Variants in GOLGA2 observed in about 807,000 individuals in gnomAD.
GOLGA2 encodes the protein golgin subfamily A member 2.
GOLGA2 carries 49 observed loss-of-function variants against 148.8 expected under a neutral mutation model. The observed-to-expected ratio is 0.33, with a 90% CI of 0.26 to 0.42. The LOEUF is 0.42. Ranked by LOEUF, GOLGA2 falls within the 10% of genes least tolerant of loss-of-function variation. The pLI is 1.00. For missense variants in GOLGA2, 1,178 were observed against 1,304.6 expected (o/e 0.90, Z 1.49); for synonymous variants, 501 against 511.8 (o/e 0.98, Z 0.28).
At position 128,261,766 on chromosome 9, in the gene GOLGA2, T is replaced by C. The variant is rs1357359553; in HGVS notation, c.1135-9A>G. The stretch of plus-strand genomic sequence containing the variant: ...TCACACCGGCTTGAAAACTGGATGG[T>C]GAAGAGCGAGAAGTTTAGATCTGGG... On this transcript the variant is annotated splice_polypyrimidine_tract_variant and intron_variant, in intron 14 of 26. Transcript: ENST00000611957. This position sits in a 1 kb window ranked among gnomAD's most constrained non-coding sequence, Gnocchi z 5.7. The C allele has an allele frequency of 1.3e-6, 2 of 1,597,428 alleles. No homozygotes were observed. The highest frequency in any genetic ancestry group is 1.7e-6 in the Non-Finnish European group (2 of 1,164,782).
At position 128,272,825 on chromosome 9, in the gene GOLGA2, C is replaced by T. The variant is rs778693760; in HGVS notation, c.248G>A (p.Arg83His). ...ILKVLVSDLN[R>H]SNGVALPPLD... ...TGGGGGGAGCGCTACCCCATTGGAACGGTTAAGGTCGGACACCAGCACCTT... is the reference window on the plus strand; with the variant it reads ...TGGGGGGAGCGCTACCCCATTGGAATGGTTAAGGTCGGACACCAGCACCTT... The change falls in exon 3 of 27, where the codon CGT becomes CAT. Residue 83 changes from arginine (R) to histidine (H), a missense_variant. Physicochemically the swap from Arg to His is conservative, Grantham distance 29 (BLOSUM62 0). This residue lies in a region of GOLGA2 where 158 missense variants were observed against 156.6 expected (regional missense o/e 1.01). Transcript: ENST00000611957. The T allele has an allele frequency of 2.3e-5, 29 of 1,281,594 alleles. No individual in the cohort carries two copies. Among genetic ancestry groups the T allele is most frequent in the Middle Eastern group, 6.3e-4 (2 of 3,194 alleles). The allele number at this position is 1,281,594 out of a possible 1,614,324, so 79.4% of individuals were successfully genotyped here.
rs1830694976 is a variant in GOLGA2, at chr9:128,267,937, A to C, written c.498T>G (p.Cys166Trp). The C allele has an allele frequency of 6.2e-7, 1 of 1,611,172 alleles. No homozygotes were observed. The change falls in exon 6 of 27, where the codon TGT (cysteine) becomes TGG (tryptophan). Residue 166 changes from cysteine to tryptophan, a missense_variant. By Grantham distance (215) the Cys-to-Trp change is radical (BLOSUM62 -2). Around this residue, in one of 5 missense-constraint regions of GOLGA2, gnomAD observed 304 missense variants for 404.1 expected, o/e 0.75. Transcript: ENST00000611957. ...TCGGCCTCAGTTCCTGAGGTACCTC[A>C]CAAACAAGACCATTGAGCTGTTGGG... ...QLSQQLNGLV[C>W]ESATCVNGEG...
chr9:128,274,991 G>A (rs753771060), intron 1 of GOLGA2, among the ~76,000 whole-genome samples: 15 of 152,158 alleles, frequency 9.9e-5, no homozygotes, highest in Non-Finnish European at 1.6e-4. Flanking sequence ...CAGAACCATG[G>A]AGAATTCGAA....
Position 128,261,649 on chromosome 9 carries a change from C to G in GOLGA2, c.1224+19G>C. The stretch of plus-strand genomic sequence containing the variant: ...CTGGGGTCATCTTCCTTCTACATCC[C>G]TCCCCTGCAAAGCCTCACCTGCCCC... On this transcript the variant is annotated intron_variant, in intron 15 of 26. Coordinates refer to ENST00000611957, the MANE Select transcript of GOLGA2 (RefSeq NM_001366244.2). This position sits in a 1 kb window ranked among gnomAD's most constrained non-coding sequence, Gnocchi z 5.7. 6.3e-7 allele frequency: 1 copy of G among 1,577,116 alleles called. No individual in the cohort carries two copies. Among genetic ancestry groups the G allele is most frequent in the Non-Finnish European group, 8.7e-7 (1 of 1,146,234 alleles).
In GOLGA2 at chr9:128,261,573, G is replaced by A; in HGVS notation, c.1225-12C>T. The A allele has an allele frequency of 3.8e-6, 6 of 1,560,016 alleles. No individual in the cohort carries two copies. Among genetic ancestry groups the A allele is most frequent in the Non-Finnish European group, 5.3e-6 (6 of 1,130,540 alleles). On this transcript the variant is annotated splice_polypyrimidine_tract_variant and intron_variant, in intron 15 of 26. Coordinates refer to ENST00000611957, the MANE Select transcript of GOLGA2 (RefSeq NM_001366244.2). The surrounding 1 kb of genome is among the most constrained non-coding windows in gnomAD (Gnocchi z 5.7). The stretch of plus-strand genomic sequence containing the variant: ...ACCGACTCCATTACCTGCAAGAATG[G>A]CCACAGAAATGAGGAAGGACTGTCA...
In GOLGA2 at chr9:128,259,200, G is replaced by T. The variant is rs369066256; in HGVS notation, c.2064C>A (p.Ala688=). ...CCTGCAACTCTTGGCGGGCCATCTC[G>T]GCCACCGCTTTGCCCTGAGCTTCCT... ...QQQEAQGKAV[A]EMARQELQET... The change falls in exon 20 of 27, where the codon GCC becomes GCA. Residue 688 remains alanine, a synonymous_variant. Coordinates refer to ENST00000611957, the MANE Select transcript of GOLGA2 (RefSeq NM_001366244.2). The T allele has an allele frequency of 1.2e-4, 192 of 1,587,270 alleles. No individual in the cohort carries two copies. Among genetic ancestry groups the T allele is most frequent in the Non-Finnish European group, 1.6e-4 (186 of 1,167,102 alleles).
chr9:128,260,195 C>G lies in GOLGA2; in HGVS notation c.1759-6G>C. On this transcript the variant is annotated splice_region_variant and splice_polypyrimidine_tract_variant and intron_variant, in intron 18 of 26. Coordinates refer to ENST00000611957, the MANE Select transcript of GOLGA2 (RefSeq NM_001366244.2). The surrounding 1 kb of genome is among the most constrained non-coding windows in gnomAD (Gnocchi z 4.8). ...ATCTCCATGTTCTCATTAGTCTGGACAGAGAGAAGCAATCAGCGGCCACCC... is the reference window on the plus strand; with the variant it reads ...ATCTCCATGTTCTCATTAGTCTGGAGAGAGAGAAGCAATCAGCGGCCACCC... 6.3e-7 allele frequency: 1 copy of G among 1,591,822 alleles called. No individual in the cohort carries two copies. Among genetic ancestry groups the G allele is most frequent in the East Asian group, 2.2e-5 (1 of 44,808 alleles).
At chr9:128,263,435 T>C (rs551473114) in intron 12 of GOLGA2, among the ~76,000 whole-genome samples, 88 of 152,146 alleles carry the variant, frequency 5.8e-4, no homozygotes, top group Non-Finnish European at 9.1e-4. Flanking sequence ...TGTTTTGTTT[T>C]TTCTGAGATG....
At chr9:128,259,650 T>C (rs1050808424) in intron 19 of GOLGA2, among the ~76,000 whole-genome samples, 1 of 152,254 alleles carries the variant, frequency 6.6e-6, no homozygotes, top group African/African-American at 2.4e-5. Flanking sequence ...CTAAGTGTGC[T>C]ACATGCCTAA....
intron 1 of GOLGA2, chr9:128,275,314 G>C (rs956021277): frequency 7.5e-6 from 7 of 928,990 alleles, no homozygotes; most frequent in Non-Finnish European, 3.0e-6. Flanking sequence ...GACTGGTCTC[G>C]CGCAACTAAT....
At chr9:128,259,455 T>C (rs1253727090) in intron 19 of GOLGA2, 64 bp from the exon 20 acceptor site, 7 of 1,050,196 alleles carry the variant, frequency 6.7e-6, no homozygotes, top group Non-Finnish European at 9.8e-6. Flanking sequence ...GGCCCATAAA[T>C]AGGGTAGCGA....
Position 128,260,418 on chromosome 9 carries a change from C to G in GOLGA2, c.1758+47G>C, listed in dbSNP as rs1183505008. 12 of 1,490,488 alleles carry G rather than the reference C, an allele frequency of 8.1e-6. No homozygotes were observed. Among genetic ancestry groups the G allele is most frequent in the Non-Finnish European group, 1.1e-5 (12 of 1,079,210 alleles). The allele number at this position is 1,490,488 out of a possible 1,614,324, so 92.3% of individuals were successfully genotyped here. Reference sequence around the variant, plus strand: ...ACTTTACAGGTGGGAAAACAAAGGTCTGGAGGGCTAGGGAGGAGGGCGGGC... The same window carrying G: ...ACTTTACAGGTGGGAAAACAAAGGTGTGGAGGGCTAGGGAGGAGGGCGGGC... On this transcript the variant is annotated intron_variant, in intron 18 of 26. Coordinates refer to ENST00000611957, the MANE Select transcript of GOLGA2 (RefSeq NM_001366244.2). This position sits in a 1 kb window ranked among gnomAD's most constrained non-coding sequence, Gnocchi z 4.8.
At chr9:128,262,365 C>T (rs1198119584) in intron 14 of GOLGA2, among the ~76,000 whole-genome samples, 198 bp downstream of exon 14, 2 of 152,104 alleles carry the variant, frequency 1.3e-5, no homozygotes, top group East Asian at 1.9e-4. Flanking sequence ...TGTCTTAAGC[C>T]CTAACCCTAA....
At chr9:128,267,902 C>G (rs201051541) in intron 6 of GOLGA2, 32 bp downstream of exon 6, 29 of 1,525,526 alleles carry the variant, frequency 1.9e-5, no homozygotes, top group East Asian at 6.7e-5. Context: ...CCCTTCCCCC[C>G]ACCCCGCTCT....
chr9:128,267,546 T>A (rs1830669286), intron 6 of GOLGA2, 29 bp from the exon 7 acceptor site: 1 of 1,551,912 alleles, frequency 6.4e-7, no homozygotes, highest in Admixed American at 1.7e-5. Context: ...CACATGGAGA[T>A]GTTCTGTCCC....
rs898017697 is a variant in GOLGA2, at chr9:128,275,284, G to C, written c.84+609C>G. ...AGAAGCGGGATGAGAACACTTAGGG[G>C]ACTGGGTCCTAAGATCAAAGACTGG... On this transcript the variant is annotated intron_variant, in intron 1 of 26. Transcript: ENST00000611957. 8.6e-6 allele frequency: 6 copies of C among 694,756 alleles called. No homozygotes were observed. In the East Asian group the frequency reaches 9.8e-5, roughly 11 times the overall value. 43.0% of individuals were successfully genotyped at this position (694,756 alleles called of 1,614,324 possible). A position where few individuals can be genotyped will look rare whatever the true frequency, so the allele number is the denominator to read the frequency against.
chr9:128,263,561 GC>G (rs1830405674), intron 12 of GOLGA2, among the ~76,000 whole-genome samples: 1 of 152,038 alleles, frequency 6.6e-6, no homozygotes, highest in African/African-American at 2.4e-5. Flanking sequence ...GGGACTACAG[GC>G]CCCCGCCACC....
rs757615879 is a variant in GOLGA2 at position 128,260,090 on chromosome 9, C to T, written c.1858G>A (p.Glu620Lys). 5.0e-6 allele frequency: 8 copies of T among 1,609,136 alleles called. No homozygotes were observed. The highest frequency in any genetic ancestry group is 3.3e-5 in the Admixed American group (2 of 59,988). The change falls in exon 19 of 27, where the codon GAG (glutamate) becomes AAG (lysine). Residue 620 changes from glutamate (E) to lysine (K), a missense_variant. Physicochemically the swap from Glu to Lys is moderately conservative, Grantham distance 56. Transcript: ENST00000611957. The surrounding 1 kb of genome is among the most constrained non-coding windows in gnomAD (Gnocchi z 4.8). ...GGCGGGGTTACCGTTTCCTTCAGCT[C>T]GCTCAGCTTCTCCTGCAGCTCGCCC... ...KLGELQEKLS[E>K]LKETVELKSQ...
At chr9:128,264,526 A>G (rs1177691661) in intron 12 of GOLGA2, among the ~76,000 whole-genome samples, 1 of 152,136 alleles carries the variant, frequency 6.6e-6, no homozygotes, top group Non-Finnish European at 1.5e-5. Context: ...CCCCGGGTTC[A>G]AGCAATTCTC....
Sources: gnomAD v4.1 joint callset for allele counts (sites outside exome capture counted in the v4.1 genomes callset) on GRCh38, gnomAD v4.1.1 for gene constraint, gnomAD v4.1.1 regional missense constraint, Gnocchi (gnomAD v3.1) non-coding constraint, MANE v1.5 for transcripts, NCBI Gene and HGNC (gene_info 2026-07-23, HGNC 2026-07-21) for gene names.